PCID2: variants seen among roughly 807,000 people sequenced by gnomAD.
PCID2 encodes PCI domain-containing protein 2.
A neutral mutation model predicts 61.3 loss-of-function variants in PCID2; 41 were observed. The ratio of observed to expected loss-of-function variants is 0.67; its 90% CI spans 0.52 to 0.87. The LOEUF is 0.87. Among genes scored for constraint, PCID2 ranks in the 40% least tolerant of loss-of-function variants. PCID2 has a pLI of 0.00. For missense variants in PCID2, 392 were observed against 493.4 expected (o/e 0.79, Z 1.95); for synonymous variants, 187 against 177.8 (o/e 1.05, Z -0.41).
At chr13:113,181,077 G>T in intron 10 of PCID2, 53 bp downstream of exon 10, 1 of 1,215,264 alleles carries the variant, frequency 8.2e-7, no homozygotes, top group Non-Finnish European at 1.2e-6. Context: ...CCTATCAGCT[G>T]TCAACTTTGT....
In PCID2 at chr13:113,198,224, G is replaced by C. The variant is rs1379122638; in HGVS notation, c.167C>G (p.Pro56Arg). 6.2e-7 allele frequency: 1 copy of C among 1,608,352 alleles called. No individual in the cohort carries two copies. Among genetic ancestry groups the C allele is most frequent in the Non-Finnish European group, 8.5e-7 (1 of 1,177,760 alleles). The change falls in exon 3 of 14, where the codon CCC (proline) becomes CGC (arginine). Residue 56 changes from proline (P) to arginine (R), a missense_variant. This residue lies in a region of PCID2 where 155 missense variants were observed against 164.9 expected (regional missense o/e 0.94). Coordinates refer to ENST00000337344, the MANE Select transcript of PCID2 (RefSeq NM_001127202.4). ...AGCTGCAAACATTTCATCATAAGGGGGTTCCAAGACTTGTTGACACTTCTC... is the reference window on the plus strand; with the variant it reads ...AGCTGCAAACATTTCATCATAAGGGCGTTCCAAGACTTGTTGACACTTCTC... ...PEEKCQQVLEPPYDEMFAAHL... is the reference protein window; with the variant it reads ...PEEKCQQVLERPYDEMFAAHL...
intron 4 of PCID2, 112 bp from the exon 5 acceptor site, chr13:113,196,334 T>G: frequency 1.3e-6 from 1 of 767,674 alleles, no homozygotes; most frequent in Non-Finnish European, 2.1e-6. Context: ...TGAGCAGATT[T>G]ATGTTGCAAC....
In PCID2 at chr13:113,180,248, C is replaced by T; in HGVS notation, c.787-17G>A. 1 of 1,588,116 alleles carries T rather than the reference C, an allele frequency of 6.3e-7. No homozygotes were observed. Among genetic ancestry groups the T allele is most frequent in the Non-Finnish European group, 8.6e-7 (1 of 1,156,792 alleles). On this transcript the variant is annotated splice_polypyrimidine_tract_variant and intron_variant, in intron 10 of 13. Transcript: ENST00000337344. ...CATGTGACCCTAAGAGTCAATTTTC[C>T]AGAATGAAAATGCTTTCATTTTTGA...
chr13:113,202,966 T>C (rs183473141), intron 1 of PCID2, among the ~76,000 whole-genome samples: 3 of 152,348 alleles, frequency 2.0e-5, no homozygotes, highest in East Asian at 3.9e-4. Context: ...GTCCTTATTC[T>C]AAGGACAAAA....
At chr13:113,185,774 A>G in intron 7 of PCID2, 1 of 430,950 alleles carries the variant, frequency 2.3e-6, no homozygotes, top group Non-Finnish European at 4.1e-6. Flanking sequence ...AAAAGAGAAA[A>G]CAAACCAGGA....
the PCID2 span, among the ~76,000 whole-genome samples, chr13:113,167,201 C>T: frequency 6.6e-6 from 1 of 152,262 alleles, no homozygotes; most frequent in Non-Finnish European, 1.5e-5. Flanking sequence ...AGACTGATGG[C>T]GCAAGTGCCG....
chr13:113,208,534 G>T, intron 1 of PCID2, 65 bp downstream of exon 1: 1 of 1,582,870 alleles, frequency 6.3e-7, no homozygotes. Flanking sequence ...TCCAAGGCAG[G>T]AGGGGACACA....
chr13:113,193,500 CAA>C (rs750962308), intron 6 of PCID2, among the ~76,000 whole-genome samples: 8 of 152,146 alleles, frequency 5.3e-5, no homozygotes, highest in Non-Finnish European at 1.2e-4. Context: ...AACTAGACAT[CAA>C]AGAGGTCAAA....
At chr13:113,176,942 A>G (rs2037200829), downstream of PCID2, among the ~76,000 whole-genome samples, 1 of 152,152 alleles carries the variant, frequency 6.6e-6, no homozygotes, top group Non-Finnish European at 1.5e-5. Context: ...CCTGTTGCTT[A>G]AGCTGCCTGT....
the PCID2 span, chr13:113,170,635 A>G: frequency 1.3e-6 from 1 of 763,512 alleles, no homozygotes; most frequent in Non-Finnish European, 2.3e-6. Flanking sequence ...AATGCAACAT[A>G]GAACTGAATT....
chr13:113,173,454 C>T (rs967857822), downstream of PCID2, among the ~76,000 whole-genome samples: 3 of 152,178 alleles, frequency 2.0e-5, no homozygotes, highest in African/African-American at 7.2e-5. Flanking sequence ...AGCAGAGCAT[C>T]GTTGAAGAGC....
chr13:113,172,222 G>A, the PCID2 span: 1 of 1,427,472 alleles, frequency 7.0e-7, no homozygotes, highest in Non-Finnish European at 9.6e-7. Flanking sequence ...CACAGCCCCA[G>A]ACCACCCGCT....
Position 113,179,385 on chromosome 13 carries a change from T to C in PCID2, c.987-296A>G, listed in dbSNP as rs2037408435. ...TCAGGAAGCACCTGACAATGGGCTG[T>C]GTCTCACAGACTCAGCGAAATAGGG... On this transcript the variant is annotated intron_variant, in intron 12 of 13. Coordinates refer to ENST00000337344, the MANE Select transcript of PCID2 (RefSeq NM_001127202.4). This position sits in a 1 kb window ranked among gnomAD's most constrained non-coding sequence, Gnocchi z 4.3. Among the ~76,000 whole-genome samples the C allele has an allele frequency of 1.3e-5, 2 of 152,198 alleles. No homozygotes were observed. Among genetic ancestry groups the C allele is most frequent in the Non-Finnish European group, 2.9e-5 (2 of 68,028 alleles).
chr13:113,166,654 C>T, the PCID2 span, among the ~76,000 whole-genome samples: 1 of 152,220 alleles, frequency 6.6e-6, no homozygotes, highest in African/African-American at 2.4e-5. Flanking sequence ...CGGGAATGGT[C>T]TATCACCAGC....
the PCID2 span, among the ~76,000 whole-genome samples, chr13:113,171,086 C>T: frequency 6.6e-6 from 1 of 152,106 alleles, no homozygotes; most frequent in South Asian, 2.1e-4. The surrounding 1 kb of genome is among the most constrained non-coding windows in gnomAD (Gnocchi z 5.1). Flanking sequence ...CCATATCCCA[C>T]TAATTTTTTG....
intron 7 of PCID2, among the ~76,000 whole-genome samples, chr13:113,189,592 T>C (rs2038422678): frequency 1.3e-5 from 2 of 152,054 alleles, no homozygotes; most frequent in South Asian, 4.1e-4. Context: ...ATGGGAGTTT[T>C]AGAAGAAAAA....
chr13:113,203,313 G>T (rs1359501085), intron 1 of PCID2, among the ~76,000 whole-genome samples: 1 of 152,216 alleles, frequency 6.6e-6, no homozygotes, highest in East Asian at 1.9e-4. Flanking sequence ...ACAAGCTGCT[G>T]CTCAACGTCA....
chr13:113,172,133 A>C, the PCID2 span: 18 of 1,609,840 alleles, frequency 1.1e-5, no homozygotes, highest in Non-Finnish European at 1.4e-5. Context: ...AGAATGAACA[A>C]CACAACCGGA....
downstream of PCID2, among the ~76,000 whole-genome samples, chr13:113,176,540 T>C (rs1362572282): frequency 1.3e-5 from 2 of 152,260 alleles, no homozygotes; most frequent in Admixed American, 1.3e-4. Context: ...GGTGGGGGAA[T>C]TGCTTTAGCC....
Sources: gnomAD v4.1 joint callset for allele counts (sites outside exome capture counted in the v4.1 genomes callset) on GRCh38, gnomAD v4.1.1 for gene constraint, gnomAD v4.1.1 regional missense constraint, Gnocchi (gnomAD v3.1) non-coding constraint, MANE v1.5 for transcripts, NCBI Gene and HGNC (gene_info 2026-07-23, HGNC 2026-07-21) for gene names.